The following NLGN1 variants were observed in gnomAD, a reference collection of about 807,000 sequenced individuals.
NLGN1 encodes the protein neuroligin 1, also known as neuroligin-1.
NLGN1 carries 12 observed loss-of-function variants against 65.5 expected under a neutral mutation model. The observed-to-expected ratio is 0.18, with a 90% CI of 0.12 to 0.30. The LOEUF is 0.30. Ranked by LOEUF, NLGN1 falls within the 10% of genes least tolerant of loss-of-function variation. The pLI, the probability that NLGN1 is intolerant of heterozygous loss-of-function variation, is 1.00. For synonymous variants in NLGN1, 350 were observed against 359.5 expected, an observed-to-expected ratio of 0.97 and a Z score of 0.30; for missense variants, 750 against 1,007.1, an observed-to-expected ratio of 0.74 and a Z score of 3.46.
chr3:173,490,367 T>A (rs545027255), intron 2 of NLGN1, among the ~76,000 whole-genome samples: 1,659 of 152,288 alleles, frequency 0.011, 30 homozygotes, highest in African/African-American at 0.038. Flanking sequence ...TCCCCATTGC[T>A]TGTTTTTCTC....
At chr3:174,186,835 T>C (rs563898693) in intron 4 of NLGN1, among the ~76,000 whole-genome samples, 10 of 152,060 alleles carry the variant, frequency 6.6e-5, no homozygotes, top group African/African-American at 1.4e-4. Flanking sequence ...TCCAAGAATA[T>C]GGTCATCACT....
chr3:173,723,283 T>C (rs1302878175), intron 3 of NLGN1, among the ~76,000 whole-genome samples: 2 of 152,250 alleles, frequency 1.3e-5, no homozygotes, highest in Admixed American at 6.5e-5. Flanking sequence ...ACATTTTTCA[T>C]TGTTAGCTTC....
intron 4 of NLGN1, among the ~76,000 whole-genome samples, chr3:174,151,577 TAA>T (rs10557770): frequency 0.36 from 55,148 of 151,794 alleles, 11,737 homozygotes; most frequent in African/African-American, 0.59. Flanking sequence ...ACAGACAGAT[TAA>T]GTTTCTATGA....
chr3:173,744,836 T>C (rs1173341270), intron 3 of NLGN1, among the ~76,000 whole-genome samples: 1 of 151,882 alleles, frequency 6.6e-6, no homozygotes, highest in Non-Finnish European at 1.5e-5. Flanking sequence ...ATTTATTTTT[T>C]TTTTGACATC....
chr3:174,167,511 G>A lies in NLGN1; in HGVS notation c.647-107804G>A, dbSNP rs149871098. On this transcript the variant is annotated intron_variant, in intron 4 of 6. Coordinates refer to ENST00000457714, the Ensembl canonical transcript of NLGN1. ...CTTTTAGAATGCTTAAAGTATTCTC[G>A]CAATCTCTCTTGGCTTATAAGGTTT... Among the ~76,000 whole-genome samples the A allele has an allele frequency of 2.3e-3, 349 of 150,602 alleles. 1 individual carries two copies. Among genetic ancestry groups the A allele is most frequent in the African/African-American group, 7.9e-3 (326 of 41,174 alleles).
chr3:173,799,311 G>A (rs13087185), intron 3 of NLGN1, among the ~76,000 whole-genome samples: 2,006 of 152,120 alleles, frequency 0.013, 23 homozygotes, highest in Non-Finnish European at 0.023. Flanking sequence ...GCTTTTTTAT[G>A]TGCTGAGTAT....
At chr3:173,806,020 A>G (rs904263022) in intron 3 of NLGN1, among the ~76,000 whole-genome samples, 2 of 152,118 alleles carry the variant, frequency 1.3e-5, no homozygotes, top group African/African-American at 4.8e-5. Context: ...AATGGTTCCT[A>G]TGTCAAAGTA....
chr3:174,279,706 T>TA lies in NLGN1; in HGVS notation c.1649+60dup, dbSNP rs1577790930. 5.7e-6 allele frequency: 6 copies of TA among 1,048,470 alleles called. No individual in the cohort carries two copies. The East Asian group carries it at 1.6e-4, about 27-fold the overall frequency. 64.9% of individuals were successfully genotyped at this position (1,048,470 alleles called of 1,614,324 possible). On this transcript the variant is annotated intron_variant, in intron 6 of 6. Coordinates refer to ENST00000457714, the Ensembl canonical transcript of NLGN1. The surrounding 1 kb of genome is among the most constrained non-coding windows in gnomAD (Gnocchi z 4.7). The stretch of plus-strand genomic sequence containing the variant: ...AATAAAAATGTTATTTTAACCATTT[T>TA]AAAATAATAGATATTTATGCCCAGA...
intron 2 of NLGN1, among the ~76,000 whole-genome samples, chr3:173,510,515 A>G (rs940407478): frequency 2.6e-5 from 4 of 152,190 alleles, no homozygotes; most frequent in Admixed American, 6.6e-5. Context: ...TTCATTTGCT[A>G]TTGGCATTGT....
chr3:174,115,603 C>G (rs1047143634), intron 4 of NLGN1, among the ~76,000 whole-genome samples: 4 of 152,068 alleles, frequency 2.6e-5, no homozygotes, highest in Non-Finnish European at 5.9e-5. Context: ...GGAATCCCGA[C>G]CCAGAAATAA....
intron 4 of NLGN1, among the ~76,000 whole-genome samples, chr3:173,940,252 C>A (rs970504361): frequency 6.6e-6 from 1 of 151,838 alleles, no homozygotes; most frequent in Non-Finnish European, 1.5e-5. Flanking sequence ...CCACGCCCAG[C>A]TAATTTTTGT....
intron 4 of NLGN1, among the ~76,000 whole-genome samples, chr3:174,212,338 C>T (rs1191517313): frequency 6.6e-6 from 1 of 152,196 alleles, no homozygotes; most frequent in East Asian, 1.9e-4. Flanking sequence ...AGCCCGGGTT[C>T]CCGCCCGCGC....
At chr3:173,996,470 C>G (rs1722300405) in intron 4 of NLGN1, among the ~76,000 whole-genome samples, 1 of 152,094 alleles carries the variant, frequency 6.6e-6, no homozygotes, top group Admixed American at 6.6e-5. Flanking sequence ...GAATGCTAGT[C>G]CTGGACCACA....
intron 2 of NLGN1, among the ~76,000 whole-genome samples, chr3:173,530,591 C>T (rs1736403847): frequency 6.6e-6 from 1 of 152,124 alleles, no homozygotes; most frequent in African/African-American, 2.4e-5. Context: ...ATCATATTTA[C>T]TTAATTTAGT....
At chr3:173,422,696 G>T (rs920368005) in intron 1 of NLGN1, among the ~76,000 whole-genome samples, 7 of 151,966 alleles carry the variant, frequency 4.6e-5, no homozygotes, top group Non-Finnish European at 1.5e-5. Context: ...TTGCAGTTTT[G>T]ATTTGTATTT....
intron 4 of NLGN1, among the ~76,000 whole-genome samples, chr3:173,849,823 T>C (rs1252343239): frequency 1.3e-5 from 2 of 152,190 alleles, no homozygotes; most frequent in East Asian, 3.8e-4. Context: ...TCTGATACTG[T>C]GACTATGAAA....
At chr3:174,286,705 G>A (rs558932713), downstream of NLGN1, 6 of 151,628 alleles carry the variant, frequency 4.0e-5, no homozygotes, top group East Asian at 3.9e-4. Context: ...CACACAAAAA[G>A]GTTACTAAGA....
rs977990507 is a variant in NLGN1 at position 173,651,323 on chromosome 3, T to A, written c.493+46232T>A. ...ATGTGTTATATATATGTATATATAA[T>A]AAGTTGTTATATATATATTACTTTT... On this transcript the variant is annotated intron_variant, in intron 3 of 6. Coordinates refer to ENST00000457714, the Ensembl canonical transcript of NLGN1. Among the ~76,000 whole-genome samples, 3 of 151,324 alleles carry A rather than the reference T, an allele frequency of 2.0e-5. No individual in the cohort carries two copies. In the South Asian group the frequency reaches 6.2e-4, roughly 31 times the overall value.
chr3:174,234,818 GC>G (rs1741372223), intron 4 of NLGN1, among the ~76,000 whole-genome samples: 1 of 151,906 alleles, frequency 6.6e-6, no homozygotes, highest in Admixed American at 6.6e-5. Context: ...TATGCTTTTA[GC>G]ACCAAATTAA....
Sources: allele counts gnomAD v4.1 joint callset (sites outside exome capture counted in the v4.1 genomes callset), GRCh38; gene constraint gnomAD v4.1.1; non-coding constraint Gnocchi (gnomAD v3.1); transcripts MANE v1.5; gene names NCBI Gene and HGNC (gene_info 2026-07-23, HGNC 2026-07-21).